Variants in KCNIP4 observed in about 807,000 individuals in gnomAD.
KCNIP4 encodes the protein Kv channel-interacting protein 4.
KCNIP4 carries 12 observed loss-of-function variants against 34.0 expected under a neutral mutation model. That is an observed-to-expected ratio of 0.35 (90% CI 0.23 to 0.57). KCNIP4 has a LOEUF of 0.57. Among genes scored for constraint, KCNIP4 ranks in the 20% least tolerant of loss-of-function variants. KCNIP4 has a pLI of 0.83. For missense variants in KCNIP4, 238 were observed against 311.7 expected (o/e 0.76, Z 1.78); for synonymous variants, 124 against 102.2 (o/e 1.21, Z -1.29).
intron 3 of KCNIP4, among the ~76,000 whole-genome samples, chr4:20,802,988 T>C (rs546455322): frequency 1.4e-5 from 2 of 144,808 alleles, no homozygotes; most frequent in Admixed American, 1.5e-4. Flanking sequence ...GGCAGGAGAA[T>C]GGCGTGAATC....
intron 1 of KCNIP4, among the ~76,000 whole-genome samples, chr4:21,290,691 A>G (rs1295666436): frequency 6.6e-6 from 1 of 152,212 alleles, no homozygotes; most frequent in African/African-American, 2.4e-5. Flanking sequence ...ACTTGGGCCA[A>G]GGAAGATGAC....
At chr4:20,975,932 TG>T (rs1735448226) in intron 1 of KCNIP4, among the ~76,000 whole-genome samples, 2 of 152,232 alleles carry the variant, frequency 1.3e-5, no homozygotes, top group Non-Finnish European at 2.9e-5. Flanking sequence ...TATTAGAACA[TG>T]GCCACACCTA....
chr4:21,065,324 T>A (rs899028389), intron 1 of KCNIP4, among the ~76,000 whole-genome samples: 1 of 152,108 alleles, frequency 6.6e-6, no homozygotes, highest in Non-Finnish European at 1.5e-5. Context: ...TGGCTGGGCT[T>A]AGGAAAGCAA....
At chr4:21,102,920 A>T (rs1748073857) in intron 1 of KCNIP4, among the ~76,000 whole-genome samples, 2 of 152,308 alleles carry the variant, frequency 1.3e-5, no homozygotes, top group East Asian at 1.9e-4. Context: ...TGAGACACCC[A>T]GAGTCTGAAA....
At chr4:21,323,746 A>C (rs192006483) in intron 1 of KCNIP4, among the ~76,000 whole-genome samples, 50 of 152,180 alleles carry the variant, frequency 3.3e-4, no homozygotes, top group African/African-American at 1.1e-3. Context: ...TATCTCTTTG[A>C]TATACTATTA....
chr4:21,577,862 A>G (rs1740869813), intron 1 of KCNIP4, among the ~76,000 whole-genome samples: 1 of 151,960 alleles, frequency 6.6e-6, no homozygotes, highest in Non-Finnish European at 1.5e-5. Flanking sequence ...TGCTTCTGTC[A>G]TCATGTGCTA....
At chr4:20,783,809 C>T (rs1203925383) in intron 3 of KCNIP4, among the ~76,000 whole-genome samples, 1 of 152,098 alleles carries the variant, frequency 6.6e-6, no homozygotes, top group Non-Finnish European at 1.5e-5. Context: ...ATTCAGATAC[C>T]TCTTAATTTT....
At chr4:20,913,924 G>T (rs1728568761) in intron 1 of KCNIP4, among the ~76,000 whole-genome samples, 1 of 152,176 alleles carries the variant, frequency 6.6e-6, no homozygotes, top group Admixed American at 6.5e-5. Context: ...GGGAGGCCAA[G>T]GTGGGCGGAT....
In KCNIP4 at chr4:20,864,295, CAT is replaced by C. The variant is rs534922312; in HGVS notation, c.164-13630_164-13629del. ...ACACATATGTATGCATATATGTACACATATGTATGCATATATACATACGTTTA... is the reference window on the plus strand; with the variant it reads ...ACACATATGTATGCATATATGTACACATGTATGCATATATACATACGTTTA... On this transcript the variant is annotated intron_variant, in intron 2 of 8. Coordinates refer to ENST00000382152, the MANE Select transcript of KCNIP4 (RefSeq NM_025221.6). Among the ~76,000 whole-genome samples, 107 of 151,110 alleles carry C rather than the reference CAT, an allele frequency of 7.1e-4. 1 individual carries two copies. Among genetic ancestry groups the C allele is most frequent in the African/African-American group, 2.4e-3 (98 of 41,190 alleles).
chr4:20,975,697 A>G (rs560578354), intron 1 of KCNIP4, among the ~76,000 whole-genome samples: 257 of 152,310 alleles, frequency 1.7e-3, no homozygotes, highest in African/African-American at 5.9e-3. Context: ...ACAATAAGTC[A>G]TCAACCTGAG....
chr4:21,631,148 T>C (rs750631661), intron 1 of KCNIP4, among the ~76,000 whole-genome samples: 6 of 151,784 alleles, frequency 4.0e-5, no homozygotes, highest in Non-Finnish European at 8.8e-5. Context: ...TTATTTCTCC[T>C]ATCAACACAT....
At chr4:21,239,482 A>T (rs954881421) in intron 1 of KCNIP4, among the ~76,000 whole-genome samples, 7 of 152,110 alleles carry the variant, frequency 4.6e-5, no homozygotes, top group Admixed American at 2.0e-4. Flanking sequence ...CTCATCTGAC[A>T]AAGGGCTAAT....
chr4:21,435,880 C>T (rs1242189719), intron 1 of KCNIP4, among the ~76,000 whole-genome samples: 1 of 152,098 alleles, frequency 6.6e-6, no homozygotes. Context: ...TTAAATTGCT[C>T]TAATCTGCTT....
chr4:21,156,537 A>G (rs182067035), intron 1 of KCNIP4, among the ~76,000 whole-genome samples: 1 of 152,288 alleles, frequency 6.6e-6, no homozygotes, highest in African/African-American at 2.4e-5. Context: ...AATATACATT[A>G]ATTCCCTTAA....
chr4:20,941,704 G>A (rs1731656659), intron 1 of KCNIP4, among the ~76,000 whole-genome samples: 1 of 152,146 alleles, frequency 6.6e-6, no homozygotes, highest in Middle Eastern at 3.2e-3. Flanking sequence ...TATTTCAAAT[G>A]TCATTGTTAT....
Position 21,669,063 on chromosome 4 carries a change from T to C in KCNIP4, c.61+279508A>G, listed in dbSNP as rs142380613. On this transcript the variant is annotated intron_variant, in intron 1 of 8. Coordinates refer to ENST00000382152, the MANE Select transcript of KCNIP4 (RefSeq NM_025221.6). Reference sequence around the variant, plus strand: ...ACAATCAAGAGGAATACTTTTATGATAATCCACTTTCACTTAATGCATAGT... The same window carrying C: ...ACAATCAAGAGGAATACTTTTATGACAATCCACTTTCACTTAATGCATAGT... Among the ~76,000 whole-genome samples, 404 of 152,304 alleles carry C rather than the reference T, an allele frequency of 2.7e-3. 1 individual carries two copies. The highest frequency in any genetic ancestry group is 7.8e-3 in the African/African-American group (323 of 41,562).
chr4:20,748,602 ATATTC>A lies in KCNIP4; in HGVS notation c.429+1055_429+1059del, dbSNP rs1304543367. Among the ~76,000 whole-genome samples the A allele has an allele frequency of 7.8e-3, 916 of 117,472 alleles. 8 individuals carry two copies. The highest frequency in any genetic ancestry group is 0.048 in the East Asian group (149 of 3,136). The allele number at this position is 117,472 out of a possible 152,430, so 77.1% of individuals were successfully genotyped here. Reference sequence around the variant, plus strand: ...TATATATATATATATATATATATATATATTCCATAAGTAAATATAAATGTATATAT... The same window carrying A: ...TATATATATATATATATATATATATACATAAGTAAATATAAATGTATATAT... On this transcript the variant is annotated intron_variant, in intron 5 of 8. Coordinates refer to ENST00000382152, the MANE Select transcript of KCNIP4 (RefSeq NM_025221.6).
At chr4:20,949,571 C>T (rs7693303) in intron 1 of KCNIP4, among the ~76,000 whole-genome samples, 16,969 of 151,574 alleles carry the variant, frequency 0.11, 1,028 homozygotes, top group South Asian at 0.25. Flanking sequence ...ATGTTTATCG[C>T]GGCACTATTC....
At chr4:21,771,740 G>A (rs767486018) in intron 1 of KCNIP4, among the ~76,000 whole-genome samples, 1 of 152,122 alleles carries the variant, frequency 6.6e-6, no homozygotes, top group Non-Finnish European at 1.5e-5. Flanking sequence ...CCTATTGTTG[G>A]TGTAAAGGAA....
Sources: allele counts gnomAD v4.1 joint callset (sites outside exome capture counted in the v4.1 genomes callset), GRCh38; gene constraint gnomAD v4.1.1; transcripts MANE v1.5; gene names NCBI Gene and HGNC (gene_info 2026-07-23, HGNC 2026-07-21).